SLIT2: variants seen among roughly 807,000 people sequenced by gnomAD.
SLIT2 encodes the protein slit guidance ligand 2, also known as slit homolog 2 protein.
Under a neutral mutation model 185.7 loss-of-function variants are expected in SLIT2, and 41 were observed. The ratio of observed to expected loss-of-function variants is 0.22; its 90% confidence interval spans 0.17 to 0.29. The LOEUF (loss-of-function observed/expected upper bound fraction) is 0.29. SLIT2 is among the 10% of genes least tolerant of loss of function. The pLI is 1.00. For synonymous variants in SLIT2, 693 were observed against 680.2 expected (o/e 1.02, Z -0.29); for missense variants, 1,571 against 1,909.0 (o/e 0.82, Z 3.30).
chr4:20,408,022 G>A (rs937089341), intron 4 of SLIT2, among the ~76,000 whole-genome samples: 3 of 152,154 alleles, frequency 2.0e-5, no homozygotes, highest in Non-Finnish European at 4.4e-5. Context: ...AAAAATGCGA[G>A]AACCGTGGTG....
At chr4:20,422,670 TGAGAA>T (rs1213106856) in intron 4 of SLIT2, among the ~76,000 whole-genome samples, 5 of 152,078 alleles carry the variant, frequency 3.3e-5, no homozygotes, top group African/African-American at 9.7e-5. Flanking sequence ...CAAGTCTCTC[TGAGAA>T]GACATTTGCA....
chr4:20,434,195 A>G (rs2109512460), intron 4 of SLIT2, among the ~76,000 whole-genome samples: 1 of 152,228 alleles, frequency 6.6e-6, no homozygotes, highest in African/African-American at 2.4e-5. Context: ...AAATACGAAA[A>G]TGGGGAAGGA....
chr4:20,346,001 T>C (rs532835684), intron 4 of SLIT2, among the ~76,000 whole-genome samples: 1 of 152,020 alleles, frequency 6.6e-6, no homozygotes, highest in South Asian at 2.1e-4. Context: ...TTTGTTGTTG[T>C]TGTTGTTTTG....
intron 4 of SLIT2, among the ~76,000 whole-genome samples, chr4:20,466,994 A>C (rs1406036382): frequency 1.3e-5 from 2 of 152,174 alleles, no homozygotes; most frequent in African/African-American, 4.8e-5. Flanking sequence ...TAGAATTGGC[A>C]TTGGAATTCT....
intron 4 of SLIT2, among the ~76,000 whole-genome samples, chr4:20,380,076 T>G (rs971420642): frequency 2.0e-5 from 3 of 151,812 alleles, no homozygotes; most frequent in African/African-American, 7.3e-5. Flanking sequence ...TGTAAAGGAG[T>G]ATGTAGAGCA....
At chr4:20,464,531 C>G (rs927732833) in intron 4 of SLIT2, among the ~76,000 whole-genome samples, 2 of 152,166 alleles carry the variant, frequency 1.3e-5, no homozygotes, top group Non-Finnish European at 2.9e-5. Flanking sequence ...CCCACTGACT[C>G]AGTAGTTCTG....
rs1348587000 is a variant in SLIT2 at position 20,394,767 on chromosome 4, A to G, written c.396-72985A>G. ...TTTATAAAAACAGCTTTCAAAATCT[A>G]TTCTTGAAAAGACATTTGTATACTC... On this transcript the variant is annotated intron_variant, in intron 4 of 36. Transcript: ENST00000504154. 34 of 152,252 alleles carry G rather than the reference A, an allele frequency of 2.2e-4. 1 individual carries two copies. Among genetic ancestry groups the G allele is most frequent in the Non-Finnish European group, 5.9e-5 (4 of 67,994 alleles). The allele number at this position is 152,252 out of a possible 1,614,324, so 9.4% of individuals were successfully genotyped here.
Position 20,345,961 on chromosome 4 carries a change from C to T in SLIT2, c.395+77080C>T, listed in dbSNP as rs147507356. On this transcript the variant is annotated intron_variant, in intron 4 of 36. Coordinates refer to ENST00000504154, the MANE Select transcript of SLIT2 (RefSeq NM_004787.4). ...TAATTCTGCATTTGCCCTTGTAATC[C>T]AAAGTTTCTCAACCTAGGCACTATT... Among the ~76,000 whole-genome samples the T allele has an allele frequency of 9.1e-4, 139 of 152,086 alleles. 1 individual carries two copies. The highest frequency in any genetic ancestry group is 3.1e-3 in the African/African-American group (129 of 41,494).
chr4:20,376,176 A>G (rs1724007366), intron 4 of SLIT2, among the ~76,000 whole-genome samples: 1 of 133,906 alleles, frequency 7.5e-6, no homozygotes, highest in Non-Finnish European at 1.5e-5. Context: ...CTTACAAGAC[A>G]CCTGGATTCT....
At chr4:20,573,199 A>T (rs1475515001) in intron 29 of SLIT2, 1 of 702,892 alleles carries the variant, frequency 1.4e-6, no homozygotes, top group Non-Finnish European at 2.6e-6. Flanking sequence ...GCAATGTAAA[A>T]AGTCTTTTGT....
chr4:20,276,709 G>A (rs1261115770), intron 4 of SLIT2, among the ~76,000 whole-genome samples: 1 of 152,138 alleles, frequency 6.6e-6, no homozygotes, highest in Non-Finnish European at 1.5e-5. Context: ...ATTAAAGCTC[G>A]AAGTATGTGA....
chr4:20,550,829 C>A lies in SLIT2; in HGVS notation c.2492C>A (p.Ser831Tyr). 1 of 1,597,956 alleles carries A rather than the reference C, an allele frequency of 6.3e-7. No individual in the cohort carries two copies. ...FDGLKSLRLL[S>Y]LHGNDISVVP... Reference sequence around the variant, plus strand: ...ATTTTTCTTTTTCTTTCTTTTAGTTCTCTACATGGAAATGACATTTCTGTT... The same window carrying A: ...ATTTTTCTTTTTCTTTCTTTTAGTTATCTACATGGAAATGACATTTCTGTT... Residue 831 changes from serine (S) to tyrosine (Y), a missense_variant and splice_region_variant, in exon 25 of 37, where the codon TCT (serine) becomes TAT (tyrosine). Transcript: ENST00000504154.
At chr4:20,585,454 C>T (rs141678864) in intron 29 of SLIT2, among the ~76,000 whole-genome samples, 2 of 152,128 alleles carry the variant, frequency 1.3e-5, no homozygotes. Flanking sequence ...GGGCCCATGG[C>T]TGAAAATAAA....
At chr4:20,393,657 C>T (rs1048270221) in intron 4 of SLIT2, 1 of 151,986 alleles carries the variant, frequency 6.6e-6, no homozygotes, top group African/African-American at 2.4e-5. Flanking sequence ...ATGACTAAGC[C>T]CTGTAAGTTA....
chr4:20,341,798 A>T (rs1002653997), intron 4 of SLIT2, among the ~76,000 whole-genome samples: 3 of 152,220 alleles, frequency 2.0e-5, no homozygotes, highest in African/African-American at 7.2e-5. Flanking sequence ...AGAAATAATT[A>T]TAGCTTCTTT....
At chr4:20,381,283 A>G (rs1399367139) in intron 4 of SLIT2, among the ~76,000 whole-genome samples, 1 of 152,040 alleles carries the variant, frequency 6.6e-6, no homozygotes, top group African/African-American at 2.4e-5. Flanking sequence ...AAAATTGCTG[A>G]AAACCAGTGA....
chr4:20,453,557 G>A (rs1206886778), intron 4 of SLIT2, among the ~76,000 whole-genome samples: 2 of 152,082 alleles, frequency 1.3e-5, no homozygotes, highest in Non-Finnish European at 2.9e-5. Flanking sequence ...TGTTCTAAAT[G>A]TTAGTCTTAA....
At chr4:20,397,389 A>C (rs1232109802) in intron 4 of SLIT2, among the ~76,000 whole-genome samples, 2 of 151,802 alleles carry the variant, frequency 1.3e-5, no homozygotes, top group Non-Finnish European at 2.9e-5. Flanking sequence ...AGCACTTCCT[A>C]AGCCTGAAAG....
At chr4:20,341,320 A>G (rs1277155362) in intron 4 of SLIT2, among the ~76,000 whole-genome samples, 2 of 152,210 alleles carry the variant, frequency 1.3e-5, no homozygotes, top group South Asian at 2.1e-4. Flanking sequence ...TACTGAGTCA[A>G]TGTTTGTACC....
Sources: gnomAD v4.1 joint callset for allele counts (sites outside exome capture counted in the v4.1 genomes callset) on GRCh38, gnomAD v4.1.1 for gene constraint, MANE v1.5 for transcripts, NCBI Gene and HGNC (gene_info 2026-07-23, HGNC 2026-07-21) for gene names.